HPSE2: variants seen among roughly 807,000 people sequenced by gnomAD.
HPSE2 encodes the protein inactive heparanase-2.
In HPSE2, 38 loss-of-function variants were observed where a neutral mutation model predicts 60.5. The observed-to-expected ratio is 0.63, with a 90% CI of 0.48 to 0.82. HPSE2 has a LOEUF of 0.82. Ranked by LOEUF, HPSE2 falls within the 40% of genes least tolerant of loss-of-function variation. The pLI, the probability that HPSE2 is intolerant of heterozygous loss-of-function variation, is 0.00. For missense variants in HPSE2, 713 were observed against 740.4 expected, an observed-to-expected ratio of 0.96 and a Z score of 0.43; for synonymous variants, 295 against 293.2, an observed-to-expected ratio of 1.01 and a Z score of -0.06.
At chr10:98,664,012 G>C (rs1328592134) in intron 6 of HPSE2, among the ~76,000 whole-genome samples, 1 of 152,094 alleles carries the variant, frequency 6.6e-6, no homozygotes, top group Non-Finnish European at 1.5e-5. Flanking sequence ...CACCCCTGCT[G>C]CTTCTAGTAG....
intron 10 of HPSE2, among the ~76,000 whole-genome samples, chr10:98,488,353 C>T (rs1941515823): frequency 6.6e-6 from 1 of 152,220 alleles, no homozygotes; most frequent in Non-Finnish European, 1.5e-5. Flanking sequence ...TTTGTTCATT[C>T]ATTTGCAAAC....
intron 3 of HPSE2, among the ~76,000 whole-genome samples, chr10:98,878,376 T>A (rs1358440893): frequency 6.6e-6 from 1 of 151,986 alleles, no homozygotes; most frequent in East Asian, 1.9e-4. Context: ...TGAGCATCTG[T>A]GCATTGATTG....
chr10:98,656,923 G>A (rs1466906409), intron 6 of HPSE2, among the ~76,000 whole-genome samples: 2 of 151,996 alleles, frequency 1.3e-5, no homozygotes, highest in South Asian at 2.1e-4. Flanking sequence ...CACCACATCC[G>A]GCTAATTTTT....
chr10:98,819,255 G>C (rs1020869960), intron 3 of HPSE2, among the ~76,000 whole-genome samples: 4 of 152,014 alleles, frequency 2.6e-5, no homozygotes, highest in African/African-American at 9.7e-5. Flanking sequence ...GATTCTCACT[G>C]TCCTTATCAA....
chr10:98,701,983 T>A (rs2134195054), intron 5 of HPSE2, among the ~76,000 whole-genome samples: 1 of 152,280 alleles, frequency 6.6e-6, no homozygotes, highest in African/African-American at 2.4e-5. Flanking sequence ...GTAAATGGGC[T>A]AAATGCCCCA....
intron 3 of HPSE2, among the ~76,000 whole-genome samples, chr10:99,120,312 T>C (rs10883274): frequency 0.51 from 77,411 of 152,018 alleles, 21,504 homozygotes; most frequent in East Asian, 0.65. Flanking sequence ...GACATATATG[T>C]GGCCAATAAT....
chr10:98,993,852 T>C (rs1452116268), intron 3 of HPSE2, among the ~76,000 whole-genome samples: 2 of 152,324 alleles, frequency 1.3e-5, no homozygotes, highest in Middle Eastern at 3.4e-3. Flanking sequence ...TTTTGAAGTA[T>C]AGTGACCCAA....
chr10:98,835,480 G>A (rs1370146386), intron 3 of HPSE2, among the ~76,000 whole-genome samples: 2 of 152,130 alleles, frequency 1.3e-5, no homozygotes, highest in African/African-American at 2.4e-5. Context: ...TACTTTGGAG[G>A]TAGGGAGAGG....
upstream of HPSE2, among the ~76,000 whole-genome samples, chr10:99,238,841 G>T (rs1471892927): frequency 6.6e-6 from 1 of 152,100 alleles, no homozygotes; most frequent in Non-Finnish European, 1.5e-5. Context: ...CTTCCTAGAA[G>T]ACAAGTATTG....
chr10:99,033,148 T>C (rs1316033713), intron 3 of HPSE2, among the ~76,000 whole-genome samples: 1 of 152,202 alleles, frequency 6.6e-6, no homozygotes, highest in Non-Finnish European at 1.5e-5. Flanking sequence ...ATAGACAGAA[T>C]GTGCATTTGA....
intron 9 of HPSE2, among the ~76,000 whole-genome samples, chr10:98,574,414 T>A (rs1488124802): frequency 6.6e-6 from 1 of 152,120 alleles, no homozygotes; most frequent in African/African-American, 2.4e-5. Flanking sequence ...CCTATTAATT[T>A]TTTTCAAGGA....
intron 7 of HPSE2, among the ~76,000 whole-genome samples, chr10:98,630,033 A>T (rs1305484043): frequency 6.6e-6 from 1 of 152,124 alleles, no homozygotes; most frequent in Non-Finnish European, 1.5e-5. Flanking sequence ...GAACCACAGG[A>T]TAAGATGCTA....
intron 5 of HPSE2, among the ~76,000 whole-genome samples, chr10:98,715,415 A>G (rs887080573): frequency 1.3e-5 from 2 of 151,976 alleles, no homozygotes; most frequent in African/African-American, 4.8e-5. Context: ...TTTTATTTTT[A>G]AAGCACTGGA....
chr10:98,507,740 C>T (rs1486465086), intron 9 of HPSE2, among the ~76,000 whole-genome samples: 4 of 152,030 alleles, frequency 2.6e-5, no homozygotes, highest in Admixed American at 6.6e-5. Flanking sequence ...TGCTCACCTC[C>T]TTCCTCCCTT....
At chr10:98,551,160 G>A (rs543677249) in intron 9 of HPSE2, among the ~76,000 whole-genome samples, 1 of 152,264 alleles carries the variant, frequency 6.6e-6, no homozygotes, top group South Asian at 2.1e-4. Flanking sequence ...GGCTGTGAGC[G>A]TTGTTGGGAA....
chr10:99,306,992 G>C, the HPSE2 span, among the ~76,000 whole-genome samples: 1 of 152,198 alleles, frequency 6.6e-6, no homozygotes, highest in African/African-American at 2.4e-5. Flanking sequence ...TTACAGGTGT[G>C]AGCCACCATG....
At chr10:98,825,618 C>T (rs1189211214) in intron 3 of HPSE2, among the ~76,000 whole-genome samples, 2 of 5,160 alleles carry the variant, frequency 3.9e-4, no homozygotes, top group African/African-American at 7.4e-4. Context: ...GTTGGGGGGG[C>T]GGGGGTGGGG....
At chr10:99,071,728 T>C (rs1227099591) in intron 3 of HPSE2, among the ~76,000 whole-genome samples, 2 of 152,244 alleles carry the variant, frequency 1.3e-5, no homozygotes, top group Non-Finnish European at 2.9e-5. Flanking sequence ...TAATCTACTT[T>C]GCATTAATTT....
At position 98,676,152 on chromosome 10, in the gene HPSE2, C is replaced by G. The variant is rs527485488; in HGVS notation, c.1004+17748G>C. Among the ~76,000 whole-genome samples the G allele has an allele frequency of 1.6e-4, 24 of 152,172 alleles. No individual in the cohort carries two copies. In the South Asian group the frequency reaches 5.0e-3, roughly 32 times the overall value. The stretch of plus-strand genomic sequence containing the variant: ...ACATCCATACATTTAACACATGCCC[C>G]GATATAATGTATGCGATGTGCTTGG... On this transcript the variant is annotated intron_variant, in intron 6 of 11. Coordinates refer to ENST00000370552, the MANE Select transcript of HPSE2 (RefSeq NM_021828.5).
Sources: gnomAD v4.1 joint callset for allele counts (sites outside exome capture counted in the v4.1 genomes callset) on GRCh38, gnomAD v4.1.1 for gene constraint, MANE v1.5 for transcripts, NCBI Gene and HGNC (gene_info 2026-07-23, HGNC 2026-07-21) for gene names.